Variants in FSTL5 observed in about 807,000 individuals in gnomAD.
FSTL5 encodes follistatin like 5.
FSTL5 carries 62 observed loss-of-function variants against 89.1 expected under a neutral mutation model. The ratio of observed to expected loss-of-function variants is 0.70; its 90% CI spans 0.57 to 0.86. The LOEUF (loss-of-function observed/expected upper bound fraction) is 0.86. FSTL5 is among the 40% of genes least tolerant of loss of function. The pLI is 0.00. For missense variants in FSTL5, 1,057 were observed against 1,001.6 expected (o/e 1.06, Z -0.75); for synonymous variants, 383 against 346.2 (o/e 1.11, Z -1.18).
At chr4:161,577,275 A>C (rs1733251772) in intron 8 of FSTL5, among the ~76,000 whole-genome samples, 1 of 152,064 alleles carries the variant, frequency 6.6e-6, no homozygotes, top group Non-Finnish European at 1.5e-5. Context: ...TCTTAGGAAA[A>C]CTTTCCTCTA....
chr4:161,898,244 T>C (rs1365520848), intron 4 of FSTL5, among the ~76,000 whole-genome samples: 2 of 151,522 alleles, frequency 1.3e-5, no homozygotes, highest in Non-Finnish European at 2.9e-5. Flanking sequence ...ATTCATATCA[T>C]ACATGTATGT....
intron 2 of FSTL5, among the ~76,000 whole-genome samples, chr4:162,063,901 A>G (rs1017257938): frequency 6.6e-6 from 1 of 151,988 alleles, no homozygotes; most frequent in Non-Finnish European, 1.5e-5. Flanking sequence ...TCTCTCCTGT[A>G]GTAATTCTAT....
intron 7 of FSTL5, among the ~76,000 whole-genome samples, chr4:161,626,199 G>A (rs890165764): frequency 1.3e-5 from 2 of 152,204 alleles, no homozygotes; most frequent in South Asian, 4.1e-4. Flanking sequence ...TGTGATGGGC[G>A]AAAATACCAT....
chr4:162,048,921 G>A (rs1023410151), intron 2 of FSTL5, among the ~76,000 whole-genome samples: 2 of 152,246 alleles, frequency 1.3e-5, no homozygotes, highest in South Asian at 4.1e-4. Flanking sequence ...CCTATAAGGT[G>A]AGGGTAGACA....
intron 4 of FSTL5, among the ~76,000 whole-genome samples, chr4:161,911,828 G>GC (rs1733702360): frequency 6.6e-6 from 1 of 152,074 alleles, no homozygotes; most frequent in Admixed American, 6.5e-5. Flanking sequence ...AATTATTCAT[G>GC]CTTTTTTCGT....
chr4:161,885,973 A>G (rs2126916089), intron 4 of FSTL5, among the ~76,000 whole-genome samples: 1 of 152,232 alleles, frequency 6.6e-6, no homozygotes, highest in African/African-American at 2.4e-5. Flanking sequence ...CTGACAGCAG[A>G]CTTAACTAGA....
chr4:162,014,471 A>G (rs1306574548), intron 3 of FSTL5, among the ~76,000 whole-genome samples: 1 of 150,066 alleles, frequency 6.7e-6, no homozygotes, highest in Non-Finnish European at 1.5e-5. Context: ...AGAGATTTGA[A>G]AAATAATAAT....
chr4:161,779,779 A>AT (rs1553965249), intron 4 of FSTL5, among the ~76,000 whole-genome samples: 2 of 57,432 alleles, frequency 3.5e-5, no homozygotes, highest in East Asian at 1.3e-3. Flanking sequence ...ATATATGTAT[A>AT]TATATATATA....
chr4:161,612,677 T>C (rs747438210), intron 7 of FSTL5, among the ~76,000 whole-genome samples: 1 of 152,210 alleles, frequency 6.6e-6, no homozygotes, highest in African/African-American at 2.4e-5. Context: ...TGAGGCCATG[T>C]TGACGCTATA....
In FSTL5 at chr4:161,801,372, G is replaced by A. The variant is rs757877125; in HGVS notation, c.410-25298C>T. Among the ~76,000 whole-genome samples, 85 of 151,462 alleles carry A rather than the reference G, an allele frequency of 5.6e-4. 1 individual carries two copies. The highest frequency in any genetic ancestry group is 2.0e-3 in the African/African-American group (82 of 41,350). On this transcript the variant is annotated intron_variant, in intron 4 of 15. Coordinates refer to ENST00000306100, the MANE Select transcript of FSTL5 (RefSeq NM_020116.5). ...TTCAATGCATATTTATTTTGTAGAA[G>A]AACGAATGGAGCCTGACAAAGTCGT...
chr4:161,545,123 G>A (rs925049845), intron 8 of FSTL5, among the ~76,000 whole-genome samples: 1 of 151,846 alleles, frequency 6.6e-6, no homozygotes, highest in Non-Finnish European at 1.5e-5. Context: ...TTAAAATCTT[G>A]GAAAAGTTTA....
chr4:161,788,288 T>C (rs559070421), intron 4 of FSTL5, among the ~76,000 whole-genome samples: 1 of 152,286 alleles, frequency 6.6e-6, no homozygotes, highest in South Asian at 2.1e-4. Flanking sequence ...GTTCTTGCTA[T>C]TTTGAAGTAT....
chr4:161,715,276 C>A (rs746298628), intron 6 of FSTL5, among the ~76,000 whole-genome samples: 3 of 152,062 alleles, frequency 2.0e-5, no homozygotes, highest in Non-Finnish European at 4.4e-5. Flanking sequence ...TTGATGTATG[C>A]CCATGTATTT....
chr4:161,693,206 C>G (rs1415544466), intron 6 of FSTL5, among the ~76,000 whole-genome samples: 2 of 152,114 alleles, frequency 1.3e-5, no homozygotes, highest in Non-Finnish European at 2.9e-5. Context: ...TGGTTAGCTA[C>G]CATTTTCTTA....
At chr4:161,754,808 C>T (rs1740517324) in intron 6 of FSTL5, among the ~76,000 whole-genome samples, 1 of 152,002 alleles carries the variant, frequency 6.6e-6, no homozygotes, top group Non-Finnish European at 1.5e-5. Context: ...TGGCAAATCG[C>T]TTATATTTAC....
chr4:162,127,698 C>T (rs2111449576), intron 1 of FSTL5, among the ~76,000 whole-genome samples: 1 of 151,790 alleles, frequency 6.6e-6, no homozygotes, highest in South Asian at 2.1e-4. Flanking sequence ...AATATATATA[C>T]AGTTTAAGGA....
chr4:161,598,462 G>C (rs1267151020), intron 7 of FSTL5, among the ~76,000 whole-genome samples: 1 of 152,036 alleles, frequency 6.6e-6, no homozygotes, highest in Non-Finnish European at 1.5e-5. Context: ...CAGTGTAATA[G>C]AGCATGAAAA....
intron 7 of FSTL5, among the ~76,000 whole-genome samples, chr4:161,619,160 C>A (rs1472692747): frequency 1.3e-5 from 2 of 152,054 alleles, no homozygotes; most frequent in African/African-American, 4.8e-5. Flanking sequence ...AAACTGGATC[C>A]CATCCTTACA....
At chr4:161,410,295 C>A (rs1023933996) in intron 15 of FSTL5, among the ~76,000 whole-genome samples, 4 of 152,054 alleles carry the variant, frequency 2.6e-5, no homozygotes, top group African/African-American at 9.7e-5. Context: ...CTTGAACACC[C>A]CACTGACAGC....
Sources: gnomAD v4.1 joint callset for allele counts (sites outside exome capture counted in the v4.1 genomes callset) on GRCh38, gnomAD v4.1.1 for gene constraint, MANE v1.5 for transcripts, NCBI Gene and HGNC (gene_info 2026-07-23, HGNC 2026-07-21) for gene names.